The following NFIA variants were observed in gnomAD, a reference collection of about 807,000 sequenced individuals.
NFIA encodes nuclear factor 1 A-type.
A neutral mutation model predicts 62.8 loss-of-function variants in NFIA; 8 were observed. That is an observed-to-expected ratio of 0.13 (90% CI 0.07 to 0.23). The LOEUF (loss-of-function observed/expected upper bound fraction) is 0.23. NFIA is among the 10% of genes least tolerant of loss of function. NFIA has a pLI of 1.00. For missense variants in NFIA, 410 were observed against 642.1 expected (o/e 0.64, Z 3.91); for synonymous variants, 235 against 238.1 (o/e 0.99, Z 0.12).
intron 2 of NFIA, among the ~76,000 whole-genome samples, chr1:61,185,131 T>A (rs1157788032): frequency 2.0e-5 from 3 of 152,220 alleles, no homozygotes; most frequent in Non-Finnish European, 4.4e-5. Context: ...ACTTACATGC[T>A]TTATCTTTGC....
intron 3 of NFIA, among the ~76,000 whole-genome samples, chr1:61,312,248 T>C (rs1467467465): frequency 6.6e-6 from 1 of 152,224 alleles, no homozygotes; most frequent in Non-Finnish European, 1.5e-5. Flanking sequence ...AGGTAAACCA[T>C]TGCCAAGCAA....
chr1:61,293,282 C>T (rs1485531093), intron 3 of NFIA, among the ~76,000 whole-genome samples: 1 of 152,100 alleles, frequency 6.6e-6, no homozygotes, highest in Non-Finnish European at 1.5e-5. Context: ...CAAGATATTT[C>T]CCAATCAATG....
chr1:61,437,883 G>A (rs984901155), intron 10 of NFIA, among the ~76,000 whole-genome samples: 5 of 152,146 alleles, frequency 3.3e-5, no homozygotes, highest in Admixed American at 1.3e-4. Flanking sequence ...TACAGTAGAC[G>A]GCAGAAACAT....
At chr1:61,435,975 C>T (rs1032002114) in intron 10 of NFIA, among the ~76,000 whole-genome samples, 4 of 152,110 alleles carry the variant, frequency 2.6e-5, no homozygotes, top group Admixed American at 6.5e-5. Context: ...ATGCTATGTG[C>T]GTGACTGTGC....
chr1:61,389,929 C>G (rs2100497131), intron 7 of NFIA, among the ~76,000 whole-genome samples: 1 of 152,062 alleles, frequency 6.6e-6, no homozygotes, highest in South Asian at 2.1e-4. Context: ...ATCTGGGGAC[C>G]CATTAATTTT....
intron 2 of NFIA, among the ~76,000 whole-genome samples, chr1:61,190,982 G>C (rs186165793): frequency 6.6e-6 from 1 of 150,794 alleles, no homozygotes; most frequent in East Asian, 2.0e-4. Context: ...CCAGACATGG[G>C]TTTTGACACC....
At chr1:61,162,103 T>C (rs1051572285) in intron 2 of NFIA, among the ~76,000 whole-genome samples, 3 of 152,214 alleles carry the variant, frequency 2.0e-5, no homozygotes, top group Admixed American at 2.0e-4. Flanking sequence ...AGAAGCTATG[T>C]ACATGTATTT....
chr1:61,427,930 G>A (rs1410191037), intron 10 of NFIA, among the ~76,000 whole-genome samples: 1 of 152,148 alleles, frequency 6.6e-6, no homozygotes, highest in Non-Finnish European at 1.5e-5. Context: ...ATTTGAAGTT[G>A]CATAATTACC....
chr1:61,094,768 C>G (rs980055848), intron 2 of NFIA, among the ~76,000 whole-genome samples: 3 of 152,066 alleles, frequency 2.0e-5, no homozygotes, highest in African/African-American at 7.2e-5. Flanking sequence ...AGATTTTCCC[C>G]AAAATATTAG....
intron 2 of NFIA, among the ~76,000 whole-genome samples, chr1:61,216,026 T>A (rs1379506640): frequency 6.6e-6 from 1 of 152,202 alleles, no homozygotes; most frequent in Admixed American, 6.5e-5. Flanking sequence ...CAAGGACAAA[T>A]ATTGATGGCT....
At chr1:61,165,502 A>C (rs1006288109) in intron 2 of NFIA, among the ~76,000 whole-genome samples, 2 of 152,214 alleles carry the variant, frequency 1.3e-5, no homozygotes, top group Non-Finnish European at 2.9e-5. Flanking sequence ...AAGAACTCCA[A>C]ATCACAGCTA....
intron 3 of NFIA, among the ~76,000 whole-genome samples, chr1:61,280,372 T>C (rs2100282903): frequency 6.6e-6 from 1 of 152,352 alleles, no homozygotes; most frequent in South Asian, 2.1e-4. Flanking sequence ...AATTTTGGAA[T>C]CTTGCTGATT....
intron 2 of NFIA, among the ~76,000 whole-genome samples, chr1:61,184,137 A>C (rs1052090390): frequency 1.3e-5 from 2 of 149,592 alleles, no homozygotes; most frequent in African/African-American, 2.5e-5. Flanking sequence ...AAAAAAAAAA[A>C]AAAAACCCAA....
intron 2 of NFIA, among the ~76,000 whole-genome samples, chr1:61,162,416 A>T (rs1051475814): frequency 1.3e-5 from 2 of 152,200 alleles, no homozygotes; most frequent in East Asian, 3.8e-4. Context: ...TCATGTTTCA[A>T]ATGTGAAAAG....
chr1:61,270,885 A>G (rs1273521211), intron 2 of NFIA, among the ~76,000 whole-genome samples: 2 of 152,210 alleles, frequency 1.3e-5, no homozygotes, highest in African/African-American at 4.8e-5. Context: ...GGGGAAAACA[A>G]AATTCAAAAT....
chr1:61,427,758 A>C (rs1438789030), intron 10 of NFIA, among the ~76,000 whole-genome samples: 2 of 152,164 alleles, frequency 1.3e-5, no homozygotes, highest in African/African-American at 4.8e-5. Flanking sequence ...AAGGGGAGGG[A>C]GAAGGTTAAC....
chr1:61,383,841 AT>A (rs1215753302), intron 7 of NFIA, among the ~76,000 whole-genome samples: 6 of 152,250 alleles, frequency 3.9e-5, no homozygotes, highest in African/African-American at 1.4e-4. Flanking sequence ...AATATGTGGC[AT>A]TTTGTGTTGA....
At chr1:61,332,810 C>T (rs1661366817) in intron 4 of NFIA, among the ~76,000 whole-genome samples, 1 of 152,140 alleles carries the variant, frequency 6.6e-6, no homozygotes, top group South Asian at 2.1e-4. Context: ...TCCTGAGGGT[C>T]TCATATATTC....
In NFIA at chr1:61,115,918, G is replaced by A. The variant is rs543367897; in HGVS notation, c.559+27238G>A. Among the ~76,000 whole-genome samples the A allele has an allele frequency of 2.0e-5, 3 of 152,118 alleles. No homozygotes were observed. The South Asian group carries it at 6.2e-4, about 32-fold the overall frequency. On this transcript the variant is annotated intron_variant, in intron 2 of 10. Coordinates refer to ENST00000403491, the MANE Select transcript of NFIA (RefSeq NM_001134673.4). ...ACTTTTGAAACTCTAAAAAGGTGGTGAAGACCACAGTTCTCCCTGTTCTTT... is the reference window on the plus strand; with the variant it reads ...ACTTTTGAAACTCTAAAAAGGTGGTAAAGACCACAGTTCTCCCTGTTCTTT...
Sources: allele counts gnomAD v4.1 joint callset (sites outside exome capture counted in the v4.1 genomes callset), GRCh38; gene constraint gnomAD v4.1.1; transcripts MANE v1.5; gene names NCBI Gene and HGNC (gene_info 2026-07-23, HGNC 2026-07-21).